The following DLGAP2 variants were observed in gnomAD, a reference collection of about 807,000 sequenced individuals.
The protein encoded by DLGAP2 is DLG associated protein 2.
In DLGAP2, 26 loss-of-function variants were observed where a neutral mutation model predicts 100.3. That is an observed-to-expected ratio of 0.26 (90% CI 0.19 to 0.36). DLGAP2 has a LOEUF of 0.36. Ranked by LOEUF, DLGAP2 falls within the 10% of genes least tolerant of loss-of-function variation. DLGAP2 has a pLI of 1.00. For synonymous variants in DLGAP2, 886 were observed against 630.1 expected, an observed-to-expected ratio of 1.41 and a Z score of -6.08; for missense variants, 1,858 against 1,453.2, an observed-to-expected ratio of 1.28 and a Z score of -4.53.
At chr8:1,342,887 G>A (rs991921145) in intron 3 of DLGAP2, among the ~76,000 whole-genome samples, 4 of 152,142 alleles carry the variant, frequency 2.6e-5, no homozygotes, top group Non-Finnish European at 5.9e-5. Flanking sequence ...CTTCTAAACT[G>A]CTTTCTGCCG....
intron 2 of DLGAP2, among the ~76,000 whole-genome samples, chr8:1,103,429 C>A (rs1804652522): frequency 1.3e-5 from 2 of 148,902 alleles, no homozygotes; most frequent in African/African-American, 5.0e-5. Context: ...ACTGGCAGGG[C>A]TTTGGTTAAC....
chr8:1,315,686 T>C (rs1291557973), intron 3 of DLGAP2, among the ~76,000 whole-genome samples: 1 of 95,146 alleles, frequency 1.1e-5, no homozygotes, highest in Non-Finnish European at 2.1e-5. Flanking sequence ...CTCGAGAAAC[T>C]CGGCAGCGTT....
chr8:845,813 T>C (rs56387024), intron 1 of DLGAP2, among the ~76,000 whole-genome samples: 30,189 of 152,224 alleles, frequency 0.2, 3,594 homozygotes, highest in Admixed American at 0.38. Context: ...AGGTCTTTGA[T>C]CCATTTTGCA....
At chr8:997,979 A>G (rs1800832258) in intron 2 of DLGAP2, among the ~76,000 whole-genome samples, 1 of 152,188 alleles carries the variant, frequency 6.6e-6, no homozygotes, top group Non-Finnish European at 1.5e-5. Context: ...ATGCATGTAC[A>G]TGCACAAACA....
intron 2 of DLGAP2, among the ~76,000 whole-genome samples, chr8:947,196 C>T (rs1416482393): frequency 6.6e-6 from 1 of 152,170 alleles, no homozygotes; most frequent in African/African-American, 2.4e-5. Flanking sequence ...GTAAGAACAA[C>T]CCAGGAGCCC....
At chr8:1,332,390 T>C (rs1801178870) in intron 3 of DLGAP2, among the ~76,000 whole-genome samples, 1 of 152,110 alleles carries the variant, frequency 6.6e-6, no homozygotes, top group African/African-American at 2.4e-5. Flanking sequence ...TGTGTGTTAG[T>C]GTGTGTCTGC....
At chr8:1,099,232 A>G (rs1481144719) in intron 2 of DLGAP2, among the ~76,000 whole-genome samples, 1 of 152,130 alleles carries the variant, frequency 6.6e-6, no homozygotes. Flanking sequence ...ACTGCGATGA[A>G]TTCCCGCAGA....
chr8:1,414,765 T>A (rs1485867111), intron 3 of DLGAP2, among the ~76,000 whole-genome samples: 1 of 152,096 alleles, frequency 6.6e-6, no homozygotes, highest in Non-Finnish European at 1.5e-5. Flanking sequence ...TCCCAACACT[T>A]TCGGAGGCCA....
At chr8:1,364,629 G>A (rs531264390) in intron 3 of DLGAP2, among the ~76,000 whole-genome samples, 8 of 152,252 alleles carry the variant, frequency 5.3e-5, no homozygotes, top group African/African-American at 1.9e-4. Context: ...GGTTCTGTCA[G>A]TGACACAGAT....
intron 2 of DLGAP2, among the ~76,000 whole-genome samples, chr8:945,961 C>A (rs1046325528): frequency 1.3e-5 from 2 of 152,038 alleles, no homozygotes; most frequent in Non-Finnish European, 2.9e-5. Context: ...TCTCCTGTGC[C>A]CTTTTAAGAA....
At chr8:1,631,343 G>T (rs934989016) in intron 7 of DLGAP2, among the ~76,000 whole-genome samples, 10 of 152,052 alleles carry the variant, frequency 6.6e-5, no homozygotes, top group African/African-American at 2.4e-4. Context: ...GGTGTACTAG[G>T]GCCTCACACA....
At chr8:1,137,321 A>G (rs975489487) in intron 2 of DLGAP2, 5 of 152,618 alleles carry the variant, frequency 3.3e-5, no homozygotes, top group African/African-American at 1.2e-4. Context: ...CTATAGTCCT[A>G]TTGGACTGGT....
chr8:1,427,271 TAGTG>T (rs917031462), intron 3 of DLGAP2, among the ~76,000 whole-genome samples: 3 of 152,136 alleles, frequency 2.0e-5, no homozygotes, highest in Non-Finnish European at 2.9e-5. Context: ...GCAGACAAAT[TAGTG>T]AGGATATAGA....
intron 14 of DLGAP2, among the ~76,000 whole-genome samples, chr8:1,699,353 C>T (rs1338613481): frequency 6.6e-6 from 1 of 151,890 alleles, no homozygotes. Context: ...CGCCTGTAAT[C>T]CCAGCACTTC....
chr8:882,165 G>C (rs1226718106), intron 1 of DLGAP2, among the ~76,000 whole-genome samples: 2 of 152,232 alleles, frequency 1.3e-5, no homozygotes, highest in Non-Finnish European at 2.9e-5. Flanking sequence ...AATGAGACGT[G>C]AGACCCAGCT....
At chr8:1,335,130 G>A (rs1801245421) in intron 3 of DLGAP2, among the ~76,000 whole-genome samples, 1 of 152,198 alleles carries the variant, frequency 6.6e-6, no homozygotes, top group Non-Finnish European at 1.5e-5. Context: ...AGACACGGTG[G>A]TTGAGTCACT....
intron 2 of DLGAP2, among the ~76,000 whole-genome samples, chr8:954,926 T>C (rs1170973926): frequency 2.0e-5 from 3 of 152,196 alleles, no homozygotes; most frequent in Non-Finnish European, 2.9e-5. Context: ...TTTAATGGTC[T>C]TTCCATTTCA....
At chr8:1,588,471 A>G (rs77678437) in intron 6 of DLGAP2, among the ~76,000 whole-genome samples, 3,359 of 152,302 alleles carry the variant, frequency 0.022, 133 homozygotes, top group African/African-American at 0.076. Context: ...CTATGAGTTC[A>G]TTGTCTTCTT....
intron 3 of DLGAP2, among the ~76,000 whole-genome samples, chr8:1,431,064 G>C (rs1797417214): frequency 6.6e-6 from 1 of 152,182 alleles, no homozygotes; most frequent in African/African-American, 2.4e-5. Context: ...AAACAAAAAT[G>C]TGCCTGCAAA....
Sources: allele counts gnomAD v4.1 joint callset (sites outside exome capture counted in the v4.1 genomes callset), GRCh38; gene constraint gnomAD v4.1.1; transcripts MANE v1.5; gene names NCBI Gene and HGNC (gene_info 2026-07-23, HGNC 2026-07-21).